The following MSR1 variants were observed in gnomAD, a reference collection of about 807,000 sequenced individuals.
The protein encoded by MSR1 is macrophage scavenger receptor types I and II.
In MSR1, 53 loss-of-function variants were observed where a neutral mutation model predicts 47.2. That is an observed-to-expected ratio of 1.12 (90% CI 0.90 to 1.41). MSR1 has a LOEUF of 1.41. Among genes scored for constraint, MSR1 ranks in the 40% most tolerant of loss-of-function variants. The pLI is 0.00. For missense variants in MSR1, 786 were observed against 546.9 expected (o/e 1.44, Z -4.36); for synonymous variants, 239 against 185.6 (o/e 1.29, Z -2.34).
intron 3 of MSR1, among the ~76,000 whole-genome samples, chr8:16,169,403 G>A (rs187055946): frequency 1.8e-4 from 28 of 152,070 alleles, no homozygotes; most frequent in African/African-American, 5.3e-4. Context: ...CCAGAAAAGC[G>A]TCATTTTCAG....
At chr8:16,119,211 C>T (rs1167499953) in intron 9 of MSR1, among the ~76,000 whole-genome samples, 1 of 151,994 alleles carries the variant, frequency 6.6e-6, no homozygotes, top group Non-Finnish European at 1.5e-5. Flanking sequence ...TGCTTAAATC[C>T]ATCTCTTAAA....
chr8:16,112,567 T>C (rs929684462), intron 9 of MSR1, among the ~76,000 whole-genome samples: 7 of 152,164 alleles, frequency 4.6e-5, no homozygotes, highest in Non-Finnish European at 1.0e-4. Context: ...TTCCGTCTCA[T>C]TCCAAATTGT....
intron 9 of MSR1, among the ~76,000 whole-genome samples, chr8:16,114,771 G>C (rs961120229): frequency 7.2e-5 from 11 of 152,082 alleles, no homozygotes; most frequent in African/African-American, 2.7e-4. Context: ...TTAAAACTAA[G>C]GATTCTATCT....
Position 16,156,450 on chromosome 8 carries a change from C to T in MSR1, c.818-1306G>A, listed in dbSNP as rs138857283. ...ATCCTTGACTCTACTTCTGTCTATT[C>T]CTCTGGTATGTCCCATTTTCAAGGT... is the stretch of plus-strand genomic sequence containing the variant. On this transcript the variant is annotated intron_variant, in intron 5 of 9. Coordinates refer to ENST00000262101, the MANE Select transcript of MSR1 (RefSeq NM_138715.3). 5.1e-3 allele frequency among the ~76,000 whole-genome samples: 776 copies of T among 151,958 alleles called. 5 individuals carry two copies. Among genetic ancestry groups the T allele is most frequent in the Non-Finnish European group, 8.5e-3 (576 of 67,868 alleles).
chr8:16,187,838 C>G (rs1386378344), intron 1 of MSR1, among the ~76,000 whole-genome samples: 2 of 152,044 alleles, frequency 1.3e-5, no homozygotes, highest in Non-Finnish European at 2.9e-5. Context: ...AAAATATTAC[C>G]CTCAGTGAAC....
intron 9 of MSR1, among the ~76,000 whole-genome samples, chr8:16,114,301 A>C (rs758249803): frequency 3.3e-5 from 5 of 152,146 alleles, no homozygotes; most frequent in Non-Finnish European, 7.4e-5. Context: ...AAAGCAAAGA[A>C]AAGACAGCTA....
intron 5 of MSR1, among the ~76,000 whole-genome samples, chr8:16,157,360 CAGTATTATTTTA>C (rs1801040226): frequency 6.6e-6 from 1 of 151,728 alleles, no homozygotes; most frequent in African/African-American, 2.4e-5. Context: ...GCGAATAGAT[CAGTATTATTTTA>C]CAAAATTTGG....
chr8:16,168,689 G>GGAAAT lies in MSR1; in HGVS notation c.398_399insATTTC (p.Asn134PhefsTer15), dbSNP rs1801392554. ...GGAAATGCTCTGTGTCCATGAGGTTGGCTTCCATGTCTAAAATATGCTGGA... is the reference window on the plus strand; with the variant it reads ...GGAAATGCTCTGTGTCCATGAGGTTGGAAATGCTTCCATGTCTAAAATATGCTGGA... On this transcript the variant is annotated frameshift_variant, in exon 4 of 10. Transcript: ENST00000262101. LOFTEE classifies it high-confidence loss of function. 2 of 1,614,010 alleles carry GGAAAT rather than the reference G, an allele frequency of 1.2e-6. No homozygotes were observed. Among genetic ancestry groups the GGAAAT allele is most frequent in the Admixed American group, 1.7e-5 (1 of 59,998 alleles).
At chr8:16,191,366 T>G (rs1218115042) in intron 1 of MSR1, among the ~76,000 whole-genome samples, 1 of 152,140 alleles carries the variant, frequency 6.6e-6, no homozygotes, top group Non-Finnish European at 1.5e-5. Flanking sequence ...AGGCAAATAT[T>G]TTAACTTATT....
intron 9 of MSR1, 79 bp from the exon 10 acceptor site, chr8:16,110,297 C>T (rs1799728791): frequency 6.7e-7 from 1 of 1,498,704 alleles, no homozygotes; most frequent in Admixed American, 1.7e-5. Flanking sequence ...CCATTAATTC[C>T]TTCACTAATT....
intron 8 of MSR1, among the ~76,000 whole-genome samples, chr8:16,136,094 G>A (rs1800382396): frequency 6.6e-6 from 1 of 152,158 alleles, no homozygotes; most frequent in South Asian, 2.1e-4. Flanking sequence ...AGATTTAGTT[G>A]ACAAAGCAGC....
chr8:16,184,038 T>C (rs1433387456), intron 1 of MSR1, among the ~76,000 whole-genome samples: 1 of 151,006 alleles, frequency 6.6e-6, no homozygotes, highest in East Asian at 1.9e-4. Context: ...GGTAAGGTCA[T>C]TCCAGGATGG....
chr8:16,134,896 T>G (rs924664997), intron 8 of MSR1, among the ~76,000 whole-genome samples: 5 of 152,160 alleles, frequency 3.3e-5, no homozygotes, highest in African/African-American at 1.2e-4. Flanking sequence ...GACACTCACT[T>G]AAGACAAATC....
intron 8 of MSR1, chr8:16,140,249 C>T (rs1800518345): frequency 5.1e-6 from 5 of 983,862 alleles, no homozygotes; most frequent in African/African-American, 1.8e-5. Flanking sequence ...GTAGTCCAGC[C>T]TGTGCAATAG....
intron 2 of MSR1, 84 bp from the exon 3 acceptor site, chr8:16,175,384 T>C (rs1378219212): frequency 2.7e-6 from 3 of 1,091,678 alleles, no homozygotes; most frequent in Non-Finnish European, 2.8e-6. Context: ...CCAATTATAT[T>C]CTTACTACCA....
chr8:16,144,327 A>C (rs1166202298), intron 7 of MSR1, among the ~76,000 whole-genome samples: 1 of 151,964 alleles, frequency 6.6e-6, no homozygotes, highest in African/African-American at 2.4e-5. Flanking sequence ...ATCTCTTAAG[A>C]TTGGTGCTGT....
chr8:16,189,368 ATATTTTATATATATAAAATCT>A (rs1241704792), intron 1 of MSR1, among the ~76,000 whole-genome samples: 1 of 120,944 alleles, frequency 8.3e-6, no homozygotes, highest in Non-Finnish European at 1.6e-5. Context: ...ATTTTTATAT[ATATTTTATATATATAAAATCT>A]TATTTTATAT....
In MSR1 at chr8:16,155,157, TAC is replaced by T. The variant is rs763559497; in HGVS notation, c.818-15_818-14del. The T allele has an allele frequency of 2.5e-6, 4 of 1,599,998 alleles. No individual in the cohort carries two copies. The highest frequency in any genetic ancestry group is 3.4e-6 in the Non-Finnish European group (4 of 1,168,420). On this transcript the variant is annotated splice_polypyrimidine_tract_variant and intron_variant, in intron 5 of 9. Coordinates refer to ENST00000262101, the MANE Select transcript of MSR1 (RefSeq NM_138715.3). ...GGTCCAGGAGGACCTTTAAAAAAAT[TAC>T]AGTTACTGATCATAGTTGTAAAGCA...
intron 8 of MSR1, among the ~76,000 whole-genome samples, chr8:16,134,707 T>C (rs1455933300): frequency 1.3e-5 from 2 of 152,092 alleles, no homozygotes; most frequent in African/African-American, 4.8e-5. Flanking sequence ...GAAAGGCGGG[T>C]TGAAAGTCAA....
Sources: allele counts gnomAD v4.1 joint callset (sites outside exome capture counted in the v4.1 genomes callset), GRCh38; gene constraint gnomAD v4.1.1; transcripts MANE v1.5; gene names NCBI Gene and HGNC (gene_info 2026-07-23, HGNC 2026-07-21).